Variants in GABRG3 observed in about 807,000 individuals in gnomAD.
GABRG3 encodes gamma-aminobutyric acid type A receptor subunit gamma3.
In GABRG3, 25 loss-of-function variants were observed where a neutral mutation model predicts 48.8. That is an observed-to-expected ratio of 0.51 (90% CI 0.37 to 0.72). The LOEUF is 0.72. GABRG3 is among the 30% of genes least tolerant of loss of function. GABRG3 has a pLI of 0.00. For synonymous variants in GABRG3, 227 were observed against 217.6 expected (o/e 1.04, Z -0.38); for missense variants, 394 against 577.9 (o/e 0.68, Z 3.26).
intron 5 of GABRG3, among the ~76,000 whole-genome samples, chr15:27,331,959 A>G (rs1477281827): frequency 6.6e-6 from 1 of 152,264 alleles, no homozygotes; most frequent in Non-Finnish European, 1.5e-5. Flanking sequence ...CAAATTAAAA[A>G]AAAAAAACTT....
At chr15:27,460,962 T>C (rs1889430162) in intron 5 of GABRG3, among the ~76,000 whole-genome samples, 1 of 152,206 alleles carries the variant, frequency 6.6e-6, no homozygotes, top group Non-Finnish European at 1.5e-5. Context: ...TTTCCATGCT[T>C]TGCAGGTTTG....
intron 6 of GABRG3, among the ~76,000 whole-genome samples, chr15:27,487,772 A>T (rs1443988654): frequency 6.6e-6 from 1 of 152,210 alleles, no homozygotes; most frequent in Non-Finnish European, 1.5e-5. Flanking sequence ...AGGATGATTT[A>T]AAATTATCTA....
chr15:27,502,816 G>A (rs1260096304), intron 6 of GABRG3, among the ~76,000 whole-genome samples: 2 of 152,240 alleles, frequency 1.3e-5, no homozygotes, highest in South Asian at 4.1e-4. Flanking sequence ...CTGATGAAGA[G>A]ATACGTAGGG....
chr15:27,377,583 A>G (rs560676635), intron 5 of GABRG3, among the ~76,000 whole-genome samples: 22 of 152,240 alleles, frequency 1.4e-4, no homozygotes, highest in African/African-American at 5.3e-4. Context: ...TAAAACCATC[A>G]GATCTTGTGA....
intron 3 of GABRG3, among the ~76,000 whole-genome samples, chr15:27,145,991 A>G (rs185108667): frequency 6.6e-5 from 10 of 152,254 alleles, no homozygotes; most frequent in African/African-American, 2.4e-4. Context: ...ACTGTCACAT[A>G]AGAATTCTAT....
At chr15:27,055,129 G>A (rs1265963674) in intron 3 of GABRG3, among the ~76,000 whole-genome samples, 10 of 151,684 alleles carry the variant, frequency 6.6e-5, no homozygotes, top group Admixed American at 5.3e-4. Context: ...AGAAGGCTGT[G>A]TAATAGAGAC....
At chr15:27,409,362 T>C (rs2140597117) in intron 5 of GABRG3, among the ~76,000 whole-genome samples, 1 of 152,240 alleles carries the variant, frequency 6.6e-6, no homozygotes, top group African/African-American at 2.4e-5. Context: ...CCTTCCTCCA[T>C]TGACTTGGTT....
intron 3 of GABRG3, among the ~76,000 whole-genome samples, chr15:27,095,912 C>G (rs1236076488): frequency 6.6e-6 from 1 of 152,142 alleles, no homozygotes; most frequent in African/African-American, 2.4e-5. Context: ...AGGATGTCCC[C>G]CAGGACCCGC....
At chr15:27,469,792 A>AT in intron 5 of GABRG3, among the ~76,000 whole-genome samples, 1 of 152,178 alleles carries the variant, frequency 6.6e-6, no homozygotes, top group Non-Finnish European at 1.5e-5. Flanking sequence ...ATTTTCTGTA[A>AT]ACAGTAGTTA....
chr15:27,388,128 AGGAGGGAGGGAG>A, intron 5 of GABRG3, among the ~76,000 whole-genome samples: 2 of 80,260 alleles, frequency 2.5e-5, no homozygotes, highest in Admixed American at 2.4e-4. Context: ...AAGGAAGGAA[AGGAGGGAGGGAG>A]GGTAAGGAAG....
chr15:27,297,307 T>G (rs1892027000), intron 3 of GABRG3, among the ~76,000 whole-genome samples: 1 of 152,158 alleles, frequency 6.6e-6, no homozygotes, highest in South Asian at 2.1e-4. Context: ...AGCCTCTAAG[T>G]GTACAGTGTT....
intron 3 of GABRG3, among the ~76,000 whole-genome samples, chr15:27,183,242 TA>T (rs1459574147): frequency 1.3e-5 from 2 of 152,140 alleles, no homozygotes; most frequent in African/African-American, 4.8e-5. Flanking sequence ...GAATACAATA[TA>T]AAAAAGCTAT....
chr15:27,119,913 T>C (rs1897703070), intron 3 of GABRG3, among the ~76,000 whole-genome samples: 1 of 152,210 alleles, frequency 6.6e-6, no homozygotes, highest in Non-Finnish European at 1.5e-5. Flanking sequence ...GGCAGAGTCC[T>C]GTGCAATGTA....
intron 5 of GABRG3, among the ~76,000 whole-genome samples, chr15:27,425,759 G>T (rs1321872506): frequency 6.6e-6 from 1 of 152,204 alleles, no homozygotes; most frequent in East Asian, 1.9e-4. Context: ...CTTCTCCTTG[G>T]AGAATGTAAT....
chr15:27,064,850 C>T (rs1288447361), intron 3 of GABRG3, among the ~76,000 whole-genome samples: 1 of 152,150 alleles, frequency 6.6e-6, no homozygotes, highest in African/African-American at 2.4e-5. Flanking sequence ...ATTGATGGTG[C>T]ACTGAAAAAT....
intron 3 of GABRG3, among the ~76,000 whole-genome samples, chr15:27,284,504 A>T (rs1204555029): frequency 1.3e-5 from 2 of 152,174 alleles, no homozygotes; most frequent in East Asian, 1.9e-4. Flanking sequence ...TCTGTGTCTC[A>T]CACACTCTCT....
intron 3 of GABRG3, among the ~76,000 whole-genome samples, chr15:27,242,474 T>A (rs998237463): frequency 6.6e-6 from 1 of 152,194 alleles, no homozygotes; most frequent in Non-Finnish European, 1.5e-5. Context: ...GCCTGAGTGG[T>A]CCCTAATTTA....
Position 26,976,991 on chromosome 15 carries a change from T to C in GABRG3, c.54-11T>C, listed in dbSNP as rs200824966. ...CCACTTATATGTCGCATTTTTGTGC[T>C]GTAACTCCAGGTCCAGAAAGGTGGA... On this transcript the variant is annotated splice_polypyrimidine_tract_variant and intron_variant, in intron 1 of 9. Transcript: ENST00000615808. This position sits in a 1 kb window ranked among gnomAD's most constrained non-coding sequence, Gnocchi z 7.8. 8.0e-5 allele frequency: 129 copies of C among 1,613,878 alleles called. 4 individuals carry two copies. The South Asian group carries it at 1.1e-3, about 14-fold the overall frequency.
chr15:27,449,495 G>A (rs1363119430), intron 5 of GABRG3, among the ~76,000 whole-genome samples: 2 of 152,192 alleles, frequency 1.3e-5, no homozygotes, highest in African/African-American at 4.8e-5. Flanking sequence ...ATGAAAATAG[G>A]AAGATGTAAA....
Sources: gnomAD v4.1 joint callset for allele counts (sites outside exome capture counted in the v4.1 genomes callset) on GRCh38, gnomAD v4.1.1 for gene constraint, Gnocchi (gnomAD v3.1) non-coding constraint, MANE v1.5 for transcripts, NCBI Gene and HGNC (gene_info 2026-07-23, HGNC 2026-07-21) for gene names.